Variants in PKNOX2 observed in about 807,000 individuals in gnomAD.
PKNOX2 encodes PBX/knotted 1 homeobox 2.
PKNOX2 carries 14 observed loss-of-function variants against 53.1 expected under a neutral mutation model. The observed-to-expected ratio is 0.26, with a 90% CI of 0.17 to 0.41. The LOEUF (loss-of-function observed/expected upper bound fraction) is 0.41. Among genes scored for constraint, PKNOX2 ranks in the 10% least tolerant of loss-of-function variants. The pLI is 1.00. For missense variants in PKNOX2, 496 were observed against 602.8 expected, an observed-to-expected ratio of 0.82 and a Z score of 1.85; for synonymous variants, 257 against 242.8, an observed-to-expected ratio of 1.06 and a Z score of -0.54.
intron 7 of PKNOX2, among the ~76,000 whole-genome samples, chr11:125,409,212 C>G (rs1190418307): frequency 6.6e-6 from 1 of 152,184 alleles, no homozygotes; most frequent in African/African-American, 2.4e-5. Flanking sequence ...CTCCAAGCAC[C>G]CAGCCTCCCA....
chr11:125,323,522 C>T (rs902408020), intron 2 of PKNOX2, among the ~76,000 whole-genome samples: 7 of 152,142 alleles, frequency 4.6e-5, no homozygotes, highest in African/African-American at 7.2e-5. Flanking sequence ...TGCAGGTCAT[C>T]GGATTGGCAC....
At position 125,187,467 on chromosome 11, in the gene PKNOX2, C is replaced by G. The variant is rs1448157467; in HGVS notation, c.-201+22691C>G. Reference sequence around the variant, plus strand: ...ATTTTAAAAAATATACTATTTTAAACAGAATTGTATTTTTAATTTTCTCTT... The same window carrying G: ...ATTTTAAAAAATATACTATTTTAAAGAGAATTGTATTTTTAATTTTCTCTT... On this transcript the variant is annotated intron_variant, in intron 1 of 12. Coordinates refer to ENST00000298282, the MANE Select transcript of PKNOX2 (RefSeq NM_001382323.2). Among the ~76,000 whole-genome samples, 9 of 152,128 alleles carry G rather than the reference C, an allele frequency of 5.9e-5. No homozygotes were observed. The East Asian group carries it at 7.7e-4, about 13-fold the overall frequency.
intron 10 of PKNOX2, 79 bp downstream of exon 10, chr11:125,411,944 G>C: frequency 1.3e-6 from 2 of 1,591,630 alleles, no homozygotes; most frequent in Non-Finnish European, 1.7e-6. Flanking sequence ...AGACTCTGCT[G>C]TCGGCTCCAA....
At chr11:125,219,168 T>C (rs945864968) in intron 1 of PKNOX2, among the ~76,000 whole-genome samples, 2 of 152,178 alleles carry the variant, frequency 1.3e-5, no homozygotes, top group African/African-American at 2.4e-5. Context: ...GCATGGTGGC[T>C]CTCACCTGTA....
At chr11:125,408,105 G>C (rs1364236272) in intron 7 of PKNOX2, among the ~76,000 whole-genome samples, 1 of 152,092 alleles carries the variant, frequency 6.6e-6, no homozygotes, top group East Asian at 1.9e-4. Flanking sequence ...GGTGTAGGGG[G>C]CATTTGTGGG....
chr11:125,429,050 A>C lies in PKNOX2; in HGVS notation c.975A>C (p.Ala325=). Residue 325 remains alanine, a synonymous_variant, in exon 11 of 13, where the codon GCA becomes GCC. Transcript: ENST00000298282. The part of the protein sequence containing the change: ...YPTEDEKRQI[A]AQTNLTLLQV... ...CGGAGGATGAGAAGAGGCAGATCGC[A>C]GCCCAGACCAACCTCACCCTCCTGC... 6.2e-7 allele frequency: 1 copy of C among 1,613,938 alleles called. No individual in the cohort carries two copies. Among genetic ancestry groups the C allele is most frequent in the Non-Finnish European group, 8.5e-7 (1 of 1,179,800 alleles).
chr11:125,417,243 G>A (rs983232671), intron 10 of PKNOX2, among the ~76,000 whole-genome samples: 4 of 151,940 alleles, frequency 2.6e-5, no homozygotes, highest in African/African-American at 9.7e-5. Flanking sequence ...TTCCTGACCT[G>A]CCACGTGATT....
At chr11:125,167,192 G>A (rs1565459916) in intron 1 of PKNOX2, among the ~76,000 whole-genome samples, 1 of 151,350 alleles carries the variant, frequency 6.6e-6, no homozygotes. Context: ...GAGTGTGTGT[G>A]GGGGGTGGGA....
At chr11:125,329,467 T>C (rs1591530152) in intron 2 of PKNOX2, among the ~76,000 whole-genome samples, 1 of 152,358 alleles carries the variant, frequency 6.6e-6, no homozygotes, top group South Asian at 2.1e-4. Context: ...CACATGAAAG[T>C]ACTTTGTGAA....
Position 125,390,971 on chromosome 11 carries a change from C to G in PKNOX2, c.399+5249C>G, listed in dbSNP as rs79526942. On this transcript the variant is annotated intron_variant, in intron 6 of 12. Transcript: ENST00000298282. ...CACACTTCCAAATGGTCAGGCCAAGCTGGCCTGGTCTGGAAAAATTCCTGA... is the reference window on the plus strand; with the variant it reads ...CACACTTCCAAATGGTCAGGCCAAGGTGGCCTGGTCTGGAAAAATTCCTGA... Among the ~76,000 whole-genome samples the G allele has an allele frequency of 3.0e-3, 451 of 152,342 alleles. 1 individual carries two copies. Among genetic ancestry groups the G allele is most frequent in the African/African-American group, 9.8e-3 (406 of 41,576 alleles).
intron 2 of PKNOX2, among the ~76,000 whole-genome samples, chr11:125,300,357 G>T (rs1947961914): frequency 6.6e-6 from 1 of 152,180 alleles, no homozygotes; most frequent in Non-Finnish European, 1.5e-5. Flanking sequence ...CACATTACAT[G>T]TATTACTCTA....
intron 1 of PKNOX2, among the ~76,000 whole-genome samples, chr11:125,204,095 C>G (rs553824315): frequency 6.6e-6 from 1 of 152,134 alleles, no homozygotes; most frequent in Non-Finnish European, 1.5e-5. Context: ...ATTTCCTTCT[C>G]AGAGCTGTTT....
At chr11:125,363,166 C>T (rs1005030438) in intron 4 of PKNOX2, among the ~76,000 whole-genome samples, 2 of 152,262 alleles carry the variant, frequency 1.3e-5, no homozygotes, top group East Asian at 1.9e-4. Flanking sequence ...GCGCAGAACC[C>T]GCTTCAGCCT....
chr11:125,343,389 T>C (rs1182717639), intron 3 of PKNOX2, among the ~76,000 whole-genome samples: 1 of 152,078 alleles, frequency 6.6e-6, no homozygotes, highest in Non-Finnish European at 1.5e-5. Flanking sequence ...CAGCATGCTT[T>C]TTTTTTTCTG....
intron 6 of PKNOX2, among the ~76,000 whole-genome samples, chr11:125,394,216 C>G (rs181277868): frequency 6.6e-6 from 1 of 152,250 alleles, no homozygotes; most frequent in Non-Finnish European, 1.5e-5. Context: ...CCAAGATGTT[C>G]GTGGCCAAAG....
At chr11:125,354,121 T>G (rs753480003) in intron 4 of PKNOX2, among the ~76,000 whole-genome samples, 6 of 152,194 alleles carry the variant, frequency 3.9e-5, no homozygotes, top group African/African-American at 1.4e-4. Context: ...CAAACTTGCA[T>G]TGGACCCCTG....
intron 1 of PKNOX2, among the ~76,000 whole-genome samples, chr11:125,187,892 C>T (rs1956553630): frequency 6.6e-6 from 1 of 152,196 alleles, no homozygotes; most frequent in Middle Eastern, 3.2e-3. Context: ...ATGGGTTTCT[C>T]CTGATGGAGA....
chr11:125,183,825 C>G (rs1956296083), intron 1 of PKNOX2, among the ~76,000 whole-genome samples: 1 of 152,086 alleles, frequency 6.6e-6, no homozygotes, highest in African/African-American at 2.4e-5. Flanking sequence ...TTCATGTGCT[C>G]AATGAATGGA....
intron 2 of PKNOX2, among the ~76,000 whole-genome samples, chr11:125,275,622 T>C (rs190517268): frequency 2.4e-4 from 36 of 152,180 alleles, no homozygotes; most frequent in African/African-American, 7.9e-4. Context: ...GTTGAGGACT[T>C]CTTGATGGAT....
Sources: gnomAD v4.1 joint callset for allele counts (sites outside exome capture counted in the v4.1 genomes callset) on GRCh38, gnomAD v4.1.1 for gene constraint, MANE v1.5 for transcripts, NCBI Gene and HGNC (gene_info 2026-07-23, HGNC 2026-07-21) for gene names.